Variants in ADGRL3 observed in about 807,000 individuals in gnomAD.
The protein encoded by ADGRL3 is calcium-independent alpha-latrotoxin receptor 3.
ADGRL3 carries 62 observed loss-of-function variants against 153.5 expected under a neutral mutation model. That is an observed-to-expected ratio of 0.40 (90% CI 0.33 to 0.50). ADGRL3 has a LOEUF of 0.50. Among genes scored for constraint, ADGRL3 ranks in the 20% least tolerant of loss-of-function variants. ADGRL3 has a pLI of 0.47. For missense variants in ADGRL3, 1,641 were observed against 1,859.4 expected (o/e 0.88, Z 2.16); for synonymous variants, 710 against 672.5 (o/e 1.06, Z -0.86).
At chr4:61,646,964 G>T (rs1486402404) in intron 5 of ADGRL3, among the ~76,000 whole-genome samples, 1 of 152,230 alleles carries the variant, frequency 6.6e-6, no homozygotes, top group East Asian at 1.9e-4. Context: ...GCCAGGTGCG[G>T]ATATAATCTC....
At chr4:61,836,233 A>G (rs1338329186) in intron 9 of ADGRL3, among the ~76,000 whole-genome samples, 2 of 152,296 alleles carry the variant, frequency 1.3e-5, no homozygotes, top group Admixed American at 6.5e-5. Flanking sequence ...TAGAAAAACT[A>G]TTATATTAAA....
chr4:61,703,827 G>A (rs1050540441), intron 6 of ADGRL3, among the ~76,000 whole-genome samples: 1 of 151,384 alleles, frequency 6.6e-6, no homozygotes, highest in African/African-American at 2.4e-5. Flanking sequence ...TCTGTTGTTT[G>A]CTTTGATTTT....
At chr4:62,057,156 G>A (rs1737472825) in intron 25 of ADGRL3, among the ~76,000 whole-genome samples, 1 of 152,154 alleles carries the variant, frequency 6.6e-6, no homozygotes, top group South Asian at 2.1e-4. Context: ...AGATTCAAGT[G>A]AGATCCAACT....
chr4:61,660,125 T>C (rs1231016905), intron 5 of ADGRL3, among the ~76,000 whole-genome samples: 2 of 152,190 alleles, frequency 1.3e-5, no homozygotes, highest in Non-Finnish European at 2.9e-5. Flanking sequence ...TTGAATGATA[T>C]TCCTGAAAAA....
intron 1 of ADGRL3, among the ~76,000 whole-genome samples, chr4:61,287,222 T>A (rs1305152447): frequency 6.6e-6 from 1 of 151,942 alleles, no homozygotes; most frequent in African/African-American, 2.4e-5. Context: ...TGAAGACCAT[T>A]TGACTTCTTG....
At chr4:61,227,396 A>T (rs1436800784) in intron 1 of ADGRL3, among the ~76,000 whole-genome samples, 2 of 151,874 alleles carry the variant, frequency 1.3e-5, no homozygotes, top group African/African-American at 4.8e-5. Context: ...TTTTGTGGTG[A>T]TAGGTTCTCC....
intron 5 of ADGRL3, among the ~76,000 whole-genome samples, chr4:61,641,899 A>G (rs901195453): frequency 6.8e-6 from 1 of 147,516 alleles, no homozygotes; most frequent in Admixed American, 6.8e-5. Flanking sequence ...TTACAGTCCC[A>G]CCAACAGTGT....
intron 11 of ADGRL3, among the ~76,000 whole-genome samples, chr4:61,899,856 T>C (rs188569463): frequency 1.4e-4 from 21 of 152,288 alleles, no homozygotes; most frequent in Non-Finnish European, 1.2e-4. Context: ...CTCTGGGGCC[T>C]CATTTATAAG....
intron 1 of ADGRL3, among the ~76,000 whole-genome samples, chr4:61,277,171 G>A (rs2093502990): frequency 6.6e-6 from 1 of 152,022 alleles, no homozygotes; most frequent in Non-Finnish European, 1.5e-5. Context: ...TTCTGACATT[G>A]CCACATAGTG....
intron 6 of ADGRL3, among the ~76,000 whole-genome samples, chr4:61,711,572 G>C (rs2095992966): frequency 6.8e-6 from 1 of 147,794 alleles, no homozygotes; most frequent in African/African-American, 2.5e-5. Context: ...ATCTAATTGA[G>C]CAAAGAATGA....
chr4:61,872,710 GAA>G (rs1396783887), intron 9 of ADGRL3, among the ~76,000 whole-genome samples: 1 of 150,650 alleles, frequency 6.6e-6, no homozygotes, highest in Non-Finnish European at 1.5e-5. Context: ...TTGCCATCCA[GAA>G]AAAAATATAT....
chr4:61,361,219 T>G (rs1268776399), intron 1 of ADGRL3, among the ~76,000 whole-genome samples: 2 of 152,164 alleles, frequency 1.3e-5, no homozygotes, highest in African/African-American at 4.8e-5. Flanking sequence ...TTCTTACATT[T>G]ATAAAGTGGG....
At chr4:61,589,822 T>C (rs2098962172) in intron 5 of ADGRL3, among the ~76,000 whole-genome samples, 1 of 152,116 alleles carries the variant, frequency 6.6e-6, no homozygotes, top group Non-Finnish European at 1.5e-5. Flanking sequence ...TTAAACTGCA[T>C]ACTGATGTGT....
chr4:61,370,998 C>T (rs1031134630), intron 1 of ADGRL3, among the ~76,000 whole-genome samples: 10 of 150,886 alleles, frequency 6.6e-5, no homozygotes, highest in Non-Finnish European at 4.4e-5. Flanking sequence ...CCTTCTTTGT[C>T]TCTTTTGATC....
intron 17 of ADGRL3, among the ~76,000 whole-genome samples, chr4:61,966,398 A>C (rs1302089526): frequency 6.6e-6 from 1 of 152,118 alleles, no homozygotes; most frequent in East Asian, 1.9e-4. Context: ...CACTGTGGTG[A>C]ATTTCTCTTT....
intron 2 of ADGRL3, among the ~76,000 whole-genome samples, chr4:61,488,544 T>G (rs1230791524): frequency 1.4e-4 from 21 of 151,964 alleles, no homozygotes; most frequent in Non-Finnish European, 1.8e-4. Context: ...TGACTCAAAG[T>G]TCTAGTGCAA....
intron 1 of ADGRL3, among the ~76,000 whole-genome samples, chr4:61,355,297 T>G (rs1286774056): frequency 6.6e-6 from 1 of 152,120 alleles, no homozygotes; most frequent in Non-Finnish European, 1.5e-5. Context: ...CTTGTGTCCA[T>G]TTTACTTTAA....
intron 1 of ADGRL3, among the ~76,000 whole-genome samples, chr4:61,330,044 T>A (rs994285758): frequency 1.3e-5 from 2 of 152,212 alleles, no homozygotes; most frequent in Non-Finnish European, 2.9e-5. Flanking sequence ...TTCCTGGTTA[T>A]CTTTGCATTG....
intron 4 of ADGRL3, among the ~76,000 whole-genome samples, chr4:61,527,937 G>T (rs1467585181): frequency 6.6e-6 from 1 of 151,958 alleles, no homozygotes; most frequent in African/African-American, 2.4e-5. Flanking sequence ...ATTTTTCTTG[G>T]TTTCGTTCTC....
Sources: allele counts gnomAD v4.1 joint callset (sites outside exome capture counted in the v4.1 genomes callset), GRCh38; gene constraint gnomAD v4.1.1; transcripts MANE v1.5; gene names NCBI Gene and HGNC (gene_info 2026-07-23, HGNC 2026-07-21).